DNER: variants seen among roughly 807,000 people sequenced by gnomAD.
DNER encodes delta/notch like EGF repeat containing.
In DNER, 33 loss-of-function variants were observed where a neutral mutation model predicts 78.2. The ratio of observed to expected loss-of-function variants is 0.42; its 90% CI spans 0.32 to 0.56. DNER has a LOEUF of 0.56. Among genes scored for constraint, DNER ranks in the 20% least tolerant of loss-of-function variants. The pLI, the probability that DNER is intolerant of heterozygous loss-of-function variation, is 0.11. For missense variants in DNER, 918 were observed against 975.3 expected (o/e 0.94, Z 0.78); for synonymous variants, 417 against 384.8 (o/e 1.08, Z -0.98).
At chr2:229,509,979 T>G (rs1695831334) in intron 6 of DNER, among the ~76,000 whole-genome samples, 1 of 152,008 alleles carries the variant, frequency 6.6e-6, no homozygotes, top group African/African-American at 2.4e-5. Context: ...AGCCAAGACT[T>G]CCTGAGAAAA....
At chr2:229,586,082 C>A in intron 3 of DNER, 58 bp from the exon 4 acceptor site, 3 of 1,531,156 alleles carry the variant, frequency 2.0e-6, no homozygotes, top group Non-Finnish European at 2.6e-6. Flanking sequence ...ATCTTAGAAC[C>A]AGTTCTTCAA....
intron 11 of DNER, among the ~76,000 whole-genome samples, chr2:229,385,722 A>G (rs901197186): frequency 6.6e-6 from 1 of 152,160 alleles, no homozygotes; most frequent in African/African-American, 2.4e-5. Context: ...CTCATTCACA[A>G]TTGCGACAGA....
intron 1 of DNER, among the ~76,000 whole-genome samples, chr2:229,684,373 C>T (rs1017524663): frequency 6.6e-6 from 1 of 151,772 alleles, no homozygotes; most frequent in African/African-American, 2.4e-5. Context: ...CACCCCATCC[C>T]CCTCTTCATC....
intron 1 of DNER, among the ~76,000 whole-genome samples, chr2:229,650,298 G>C (rs1698793477): frequency 6.6e-6 from 1 of 152,144 alleles, no homozygotes. Context: ...ACCACAGTGT[G>C]AAGGAAGTAT....
chr2:229,586,534 A>G (rs1697502825), intron 3 of DNER, among the ~76,000 whole-genome samples: 1 of 125,208 alleles, frequency 8.0e-6, no homozygotes, highest in African/African-American at 3.8e-5. Flanking sequence ...AAAAAAAAAA[A>G]AAAAAAAAAA....
At chr2:229,696,596 G>A (rs1038628123) in intron 1 of DNER, among the ~76,000 whole-genome samples, 2 of 152,186 alleles carry the variant, frequency 1.3e-5, no homozygotes, top group Non-Finnish European at 2.9e-5. Context: ...GCAGACCACA[G>A]GAGTTAGCAT....
intron 1 of DNER, among the ~76,000 whole-genome samples, chr2:229,636,751 T>C (rs73093594): frequency 0.027 from 4,043 of 152,208 alleles, 181 homozygotes; most frequent in African/African-American, 0.092. Context: ...CAGACTCCTT[T>C]GCAGTTGGGT....
intron 1 of DNER, among the ~76,000 whole-genome samples, chr2:229,607,865 A>G (rs1697968126): frequency 6.6e-6 from 1 of 152,038 alleles, no homozygotes; most frequent in Non-Finnish European, 1.5e-5. Flanking sequence ...TCTACTAAAA[A>G]TACAAAATTA....
At chr2:229,401,929 A>G (rs1052527885) in intron 10 of DNER, among the ~76,000 whole-genome samples, 1 of 152,206 alleles carries the variant, frequency 6.6e-6, no homozygotes, top group Non-Finnish European at 1.5e-5. Flanking sequence ...TGTATTTTCA[A>G]TAAGATGCTG....
chr2:229,414,295 T>C (rs752591214), intron 9 of DNER, among the ~76,000 whole-genome samples: 12 of 152,148 alleles, frequency 7.9e-5, no homozygotes, highest in Non-Finnish European at 1.8e-4. Context: ...TATCTGCCCA[T>C]TGGATTTGTC....
chr2:229,370,803 C>T (rs1485022100), intron 11 of DNER, among the ~76,000 whole-genome samples: 1 of 152,188 alleles, frequency 6.6e-6, no homozygotes, highest in East Asian at 1.9e-4. Context: ...GATCTGATCA[C>T]TATGGAAGAT....
chr2:229,430,744 T>A (rs1693986163), intron 8 of DNER, among the ~76,000 whole-genome samples: 1 of 151,208 alleles, frequency 6.6e-6, no homozygotes, highest in Non-Finnish European at 1.5e-5. Flanking sequence ...CCCTGACTAA[T>A]ACACATGTTT....
intron 1 of DNER, among the ~76,000 whole-genome samples, chr2:229,694,410 C>A (rs547076488): frequency 6.6e-6 from 1 of 152,268 alleles, no homozygotes; most frequent in African/African-American, 2.4e-5. Flanking sequence ...GAATGGTAGA[C>A]CCACTAACAG....
chr2:229,569,473 G>C (rs1297533846), intron 4 of DNER, among the ~76,000 whole-genome samples: 1 of 152,112 alleles, frequency 6.6e-6, no homozygotes, highest in Non-Finnish European at 1.5e-5. Flanking sequence ...AGTGAGCCAA[G>C]ATCGAGCCAC....
intron 1 of DNER, among the ~76,000 whole-genome samples, chr2:229,627,149 C>T (rs1698359209): frequency 6.6e-6 from 1 of 152,160 alleles, no homozygotes; most frequent in African/African-American, 2.4e-5. Flanking sequence ...CAATTAGCCA[C>T]CAGAAACAAT....
intron 4 of DNER, among the ~76,000 whole-genome samples, chr2:229,577,559 C>T (rs934449992): frequency 1.3e-5 from 2 of 151,900 alleles, no homozygotes; most frequent in Admixed American, 1.3e-4. Context: ...CACTTGAGCC[C>T]GGGAGGCAGA....
intron 7 of DNER, among the ~76,000 whole-genome samples, chr2:229,461,617 T>C (rs774031824): frequency 6.6e-6 from 1 of 152,030 alleles, no homozygotes; most frequent in Non-Finnish European, 1.5e-5. Context: ...AAAATAATAG[T>C]AGTATTTATG....
intron 6 of DNER, among the ~76,000 whole-genome samples, chr2:229,484,588 T>A (rs569698722): frequency 2.0e-5 from 3 of 152,324 alleles, no homozygotes; most frequent in Admixed American, 1.3e-4. Context: ...CTTAGGTCGG[T>A]GGTTCTTGAC....
In DNER at chr2:229,467,280, A is replaced by G. The variant is rs114716684; in HGVS notation, c.1261+9860T>C. Among the ~76,000 whole-genome samples the G allele has an allele frequency of 7.2e-3, 1,093 of 152,310 alleles. 14 individuals are homozygous for G. Among genetic ancestry groups the G allele is most frequent in the African/African-American group, 0.025 (1,040 of 41,564 alleles). ...GAAAATGTCTTTAAAAATGGGCTAAATGAACTGAGGAGAGGCGTCAGTATC... is the reference window on the plus strand; with the variant it reads ...GAAAATGTCTTTAAAAATGGGCTAAGTGAACTGAGGAGAGGCGTCAGTATC... On this transcript the variant is annotated intron_variant, in intron 7 of 12. Coordinates refer to ENST00000341772, the MANE Select transcript of DNER (RefSeq NM_139072.4).
Sources: gnomAD v4.1 joint callset for allele counts (sites outside exome capture counted in the v4.1 genomes callset) on GRCh38, gnomAD v4.1.1 for gene constraint, MANE v1.5 for transcripts, NCBI Gene and HGNC (gene_info 2026-07-23, HGNC 2026-07-21) for gene names.